The following RPH3A variants were observed in gnomAD, a reference collection of about 807,000 sequenced individuals.
RPH3A encodes the protein rabphilin-3A.
In RPH3A, 48 loss-of-function variants were observed where a neutral mutation model predicts 102.2. That is an observed-to-expected ratio of 0.47 (90% confidence interval 0.37 to 0.60). RPH3A has a LOEUF of 0.60. Ranked by LOEUF, RPH3A falls within the 20% of genes least tolerant of loss-of-function variation. The probability of loss-of-function intolerance (pLI) is 0.00; values close to 1 mark genes in which losing one functional copy is unlikely to be tolerated. For missense variants in RPH3A, 781 were observed against 910.1 expected (o/e 0.86, Z 1.83); for synonymous variants, 310 against 324.3 (o/e 0.96, Z 0.47).
chr12:112,764,924 T>G (rs1392675203), intron 1 of RPH3A, among the ~76,000 whole-genome samples: 1 of 152,118 alleles, frequency 6.6e-6, no homozygotes, highest in Non-Finnish European at 1.5e-5. Context: ...ATACTTAACG[T>G]GATGTCTATT....
chr12:112,756,791 A>G (rs573387159), intron 1 of RPH3A, among the ~76,000 whole-genome samples: 8 of 152,326 alleles, frequency 5.3e-5, no homozygotes, highest in African/African-American at 1.4e-4. Context: ...GTCAAAAAAT[A>G]TATGCATTCA....
chr12:112,607,878 A>G (rs1215204269), intron 1 of RPH3A, among the ~76,000 whole-genome samples: 2 of 152,184 alleles, frequency 1.3e-5, no homozygotes, highest in Non-Finnish European at 2.9e-5. Flanking sequence ...ATGGCGAACC[A>G]GAAGGCAGTT....
At chr12:112,847,225 G>T (rs1290379553) in intron 4 of RPH3A, among the ~76,000 whole-genome samples, 1 of 152,196 alleles carries the variant, frequency 6.6e-6, no homozygotes, top group Non-Finnish European at 1.5e-5. Flanking sequence ...AGACTTCGAG[G>T]CTGGAATTCT....
intron 1 of RPH3A, among the ~76,000 whole-genome samples, chr12:112,587,027 G>C (rs1158886590): frequency 6.6e-6 from 1 of 152,188 alleles, no homozygotes; most frequent in Non-Finnish European, 1.5e-5. Context: ...AAAATAAGAA[G>C]GCTATTTTCC....
At chr12:112,700,495 A>G (rs995159311) in intron 1 of RPH3A, among the ~76,000 whole-genome samples, 13 of 152,080 alleles carry the variant, frequency 8.5e-5, no homozygotes, top group African/African-American at 2.9e-4. Flanking sequence ...GGGGAAATCT[A>G]TTTTTGCAAC....
intron 2 of RPH3A, among the ~76,000 whole-genome samples, chr12:112,825,764 T>G (rs7297436): frequency 0.42 from 63,668 of 152,032 alleles, 14,394 homozygotes; most frequent in African/African-American, 0.58. Context: ...GCAGGGGGAT[T>G]CAAGCTCTAA....
At chr12:112,735,319 G>T (rs1396231209) in intron 1 of RPH3A, among the ~76,000 whole-genome samples, 2 of 152,216 alleles carry the variant, frequency 1.3e-5, no homozygotes, top group African/African-American at 4.8e-5. Context: ...TTGCAGGGAA[G>T]TCAATAGAAA....
At chr12:112,645,014 A>G (rs2039917738) in intron 1 of RPH3A, among the ~76,000 whole-genome samples, 1 of 152,238 alleles carries the variant, frequency 6.6e-6, no homozygotes, top group Non-Finnish European at 1.5e-5. Flanking sequence ...TTTATATGCC[A>G]GAGACGATAA....
chr12:112,671,136 T>G (rs1284207735), intron 1 of RPH3A, among the ~76,000 whole-genome samples: 1 of 152,282 alleles, frequency 6.6e-6, no homozygotes, highest in African/African-American at 2.4e-5. Flanking sequence ...TGTGTCTGAC[T>G]TTGAAAAATG....
chr12:112,678,283 A>AG (rs1566255170), intron 1 of RPH3A, among the ~76,000 whole-genome samples: 3 of 46,886 alleles, frequency 6.4e-5, no homozygotes, highest in African/African-American at 2.7e-4. Context: ...GAAAGAAAGA[A>AG]AGAAAGAAAG....
chr12:112,621,573 T>G (rs377584523), intron 1 of RPH3A, among the ~76,000 whole-genome samples: 27,528 of 130,966 alleles, frequency 0.21, 3,379 homozygotes, highest in East Asian at 0.56. Context: ...ACGGAGTCTC[T>G]CTGATTGCTA....
chr12:112,743,589 G>A (rs909744279), intron 1 of RPH3A, among the ~76,000 whole-genome samples: 11 of 152,152 alleles, frequency 7.2e-5, no homozygotes, highest in Non-Finnish European at 1.3e-4. Context: ...CAGGGTAGGC[G>A]CTCGGTAAAT....
chr12:112,758,211 G>A (rs775969418), intron 1 of RPH3A, among the ~76,000 whole-genome samples: 1 of 152,198 alleles, frequency 6.6e-6, no homozygotes, highest in African/African-American at 2.4e-5. Context: ...TAAATGGGTG[G>A]TTCAAAGATG....
intron 5 of RPH3A, among the ~76,000 whole-genome samples, chr12:112,858,770 T>C (rs1468377752): frequency 6.6e-6 from 1 of 152,216 alleles, no homozygotes; most frequent in African/African-American, 2.4e-5. Context: ...TCCACTGGGA[T>C]GGCAAGGCCA....
rs370018106 is a variant in RPH3A, at chr12:112,865,714, C to T, written c.360+171C>T. The T allele has an allele frequency of 1.5e-4, 95 of 616,356 alleles. 2 individuals carry two copies. The highest frequency in any genetic ancestry group is 1.5e-3 in the African/African-American group (76 of 50,040). 38.2% of individuals were successfully genotyped at this position (616,356 alleles called of 1,614,324 possible). A position where few individuals can be genotyped will look rare whatever the true frequency, so the allele number is the denominator to read the frequency against. ...GCTTCCATGCCCTACTGTCTTCCAACGTAACCCTGATCCTGGTTCCTCCCT... is the reference window on the plus strand; with the variant it reads ...GCTTCCATGCCCTACTGTCTTCCAATGTAACCCTGATCCTGGTTCCTCCCT... On this transcript the variant is annotated intron_variant, in intron 6 of 21. Coordinates refer to ENST00000389385, the MANE Select transcript of RPH3A (RefSeq NM_001143854.2).
chr12:112,841,173 T>TAAAAAAAAAAAAAAAAAAA (rs11447068), intron 4 of RPH3A, among the ~76,000 whole-genome samples: 459 of 33,122 alleles, frequency 0.014, 31 homozygotes, highest in Non-Finnish European at 0.017. Flanking sequence ...CCTTGTTTCT[T>TAAAAAAAAAAAAAAAAAAA]AAAAAAAAAA....
intron 4 of RPH3A, chr12:112,841,910 GTCTGTCTC>G (rs1479774068): frequency 1.8e-5 from 8 of 455,600 alleles, no homozygotes; most frequent in Non-Finnish European, 3.1e-5. Context: ...CTCTCTGTCC[GTCTGTCTC>G]TCTGTCTCTC....
chr12:112,764,131 A>G (rs1312784842), intron 1 of RPH3A, among the ~76,000 whole-genome samples: 2 of 152,196 alleles, frequency 1.3e-5, no homozygotes, highest in Non-Finnish European at 2.9e-5. Flanking sequence ...AAGGTTTGCT[A>G]AAAATCACTG....
At chr12:112,845,183 G>C (rs1439367198) in intron 4 of RPH3A, among the ~76,000 whole-genome samples, 1 of 152,144 alleles carries the variant, frequency 6.6e-6, no homozygotes, top group Admixed American at 6.5e-5. Flanking sequence ...AGGAGGCAGG[G>C]ACCTCTGGGG....
Sources: gnomAD v4.1 joint callset for allele counts (sites outside exome capture counted in the v4.1 genomes callset) on GRCh38, gnomAD v4.1.1 for gene constraint, MANE v1.5 for transcripts, NCBI Gene and HGNC (gene_info 2026-07-23, HGNC 2026-07-21) for gene names.